Variants in CSPP1 observed in about 807,000 individuals in gnomAD.
CSPP1 encodes centrosome and spindle pole-associated protein 1.
In CSPP1, 126 loss-of-function variants were observed where a neutral mutation model predicts 164.4. That is an observed-to-expected ratio of 0.77 (90% CI 0.66 to 0.89). The LOEUF is 0.89. Ranked by LOEUF, CSPP1 falls within the 40% of genes least tolerant of loss-of-function variation. The pLI, the probability that CSPP1 is intolerant of heterozygous loss-of-function variation, is 0.00. For missense variants in CSPP1, 1,395 were observed against 1,449.8 expected (o/e 0.96, Z 0.61); for synonymous variants, 472 against 476.7 (o/e 0.99, Z 0.13).
At chr8:67,174,388 T>A (rs1328140719) in intron 25 of CSPP1, 2 of 152,100 alleles carry the variant, frequency 1.3e-5, no homozygotes, top group East Asian at 1.9e-4. Context: ...ATTCCAGCAG[T>A]GTAATTAGTG....
intron 30 of CSPP1, among the ~76,000 whole-genome samples, chr8:67,193,843 T>C (rs1837113638): frequency 2.0e-5 from 3 of 152,340 alleles, no homozygotes; most frequent in African/African-American, 7.2e-5. Flanking sequence ...TAAAATAGTT[T>C]TTGCTTATTA....
chr8:67,179,758 C>A (rs1234789875), intron 27 of CSPP1, 105 bp from the exon 28 acceptor site: 2 of 744,146 alleles, frequency 2.7e-6, no homozygotes, highest in African/African-American at 3.5e-5. Context: ...CCATCCTCTG[C>A]TTTTAGGGAG....
chr8:67,113,842 G>C lies in CSPP1; in HGVS notation c.1225G>C (p.Ala409Pro). 6.3e-7 allele frequency: 1 copy of C among 1,592,016 alleles called. No individual in the cohort carries two copies. Among genetic ancestry groups the C allele is most frequent in the Non-Finnish European group, 8.6e-7 (1 of 1,164,814 alleles). The change falls in exon 11 of 31, where the codon GCA becomes CCA. Residue 409 changes from alanine to proline, a missense_variant. By Grantham distance (27) the Ala-to-Pro change is conservative. Coordinates refer to ENST00000678616, the MANE Select transcript of CSPP1 (RefSeq NM_001382391.1). ...AGAACTCAGGGTTGCAGCGTCTGGAGCACAAGACCCTGAGAAATCGGTAAG... is the reference window on the plus strand; with the variant it reads ...AGAACTCAGGGTTGCAGCGTCTGGACCACAAGACCCTGAGAAATCGGTAAG... ...DLELRVAASG[A>P]QDPEKSWNEL...
chr8:67,073,379 G>A lies in CSPP1; in HGVS notation c.-10-864G>A, dbSNP rs1439700073. 9.2e-5 allele frequency among the ~76,000 whole-genome samples: 14 copies of A among 152,264 alleles called. No homozygotes were observed. The East Asian group carries it at 2.7e-3, about 29-fold the overall frequency. Reference sequence around the variant, plus strand: ...ATCAGGCACACCCTAGATGAGGGATGTTCTATTGAAAAGGATGTTCTGTTA... The same window carrying A: ...ATCAGGCACACCCTAGATGAGGGATATTCTATTGAAAAGGATGTTCTGTTA... On this transcript the variant is annotated intron_variant, in intron 1 of 30. Coordinates refer to ENST00000678616, the MANE Select transcript of CSPP1 (RefSeq NM_001382391.1).
At chr8:67,101,169 T>C (rs573714447) in intron 7 of CSPP1, among the ~76,000 whole-genome samples, 14 of 152,288 alleles carry the variant, frequency 9.2e-5, no homozygotes, top group African/African-American at 3.4e-4. Context: ...AGACACTTGG[T>C]GCCCAAGGTT....
intron 3 of CSPP1, among the ~76,000 whole-genome samples, chr8:67,079,784 T>C (rs1276605545): frequency 1.3e-5 from 2 of 152,254 alleles, no homozygotes; most frequent in Non-Finnish European, 2.9e-5. Context: ...TTTGAACTTA[T>C]TCAGCTTCTC....
chr8:67,134,590 C>T (rs1354733085), intron 16 of CSPP1: 1 of 137,190 alleles, frequency 7.3e-6, no homozygotes, highest in Admixed American at 7.6e-5. Context: ...GACGGAGTCT[C>T]ACACTGTCAC....
In CSPP1 at chr8:67,159,156, T is replaced by C. The variant is rs1166450877; in HGVS notation, c.2538+19T>C. 1.3e-6 allele frequency: 2 copies of C among 1,590,960 alleles called. No individual in the cohort carries two copies. The highest frequency in any genetic ancestry group is 1.2e-5 in the South Asian group (1 of 85,796). On this transcript the variant is annotated intron_variant, in intron 21 of 30. Transcript: ENST00000678616. ...AACAAAGGTAAGTTTCAGACAAAAA[T>C]GTCAATCAAACCCATAGTTTAACTC...
chr8:67,070,188 G>A (rs1806430825), intron 1 of CSPP1, among the ~76,000 whole-genome samples: 1 of 151,722 alleles, frequency 6.6e-6, no homozygotes, highest in African/African-American at 2.4e-5. Context: ...AATAAGTCGG[G>A]ACGGTGGCTC....
intron 16 of CSPP1, chr8:67,135,947 A>G (rs972902788): frequency 3.3e-5 from 5 of 152,202 alleles, no homozygotes; most frequent in African/African-American, 9.7e-5. Context: ...TCAGTATTCT[A>G]TCAGGGAAAA....
In CSPP1 at chr8:67,182,011, T is replaced by C. The variant is rs1254967018; in HGVS notation, c.3220+2085T>C. 2.6e-5 allele frequency among the ~76,000 whole-genome samples: 4 copies of C among 152,152 alleles called. No individual in the cohort carries two copies. In the East Asian group the frequency reaches 7.7e-4, roughly 29 times the overall value. On this transcript the variant is annotated intron_variant, in intron 28 of 30. Transcript: ENST00000678616. ...ATAGCATGTGTCAGATTTTCTTTTT[T>C]TACCCCTTAGAGACAGGGTCACCCT...
chr8:67,107,168 C>A (rs1815742717), intron 9 of CSPP1, among the ~76,000 whole-genome samples: 1 of 151,940 alleles, frequency 6.6e-6, no homozygotes, highest in South Asian at 2.1e-4. Context: ...GTGCCTCAGT[C>A]TCCTGAGTAG....
intron 28 of CSPP1, among the ~76,000 whole-genome samples, chr8:67,187,015 A>ATCTATCTAATCT (rs1554622825): frequency 1.2e-3 from 166 of 143,084 alleles, no homozygotes; most frequent in African/African-American, 3.8e-3. Flanking sequence ...CTATCTATCT[A>ATCTATCTAATCT]ATCTATCTAT....
chr8:67,069,254 A>G (rs1043330203), intron 1 of CSPP1: 4 of 152,248 alleles, frequency 2.6e-5, no homozygotes, highest in Admixed American at 2.0e-4. Flanking sequence ...ACTCTTTAAT[A>G]TTAAAGTCAT....
Position 67,149,947 on chromosome 8 carries a change from CTTTTTTTTTT to C in CSPP1, c.2128+27_2128+36del, listed in dbSNP as rs11296619. The C allele has an allele frequency of 1.8e-6, 2 of 1,138,326 alleles. No individual in the cohort carries two copies. The highest frequency in any genetic ancestry group is 3.8e-5 in the Admixed American group (1 of 25,980). 70.5% of individuals were successfully genotyped at this position (1,138,326 alleles called of 1,614,324 possible). A position where few individuals can be genotyped will look rare whatever the true frequency, so the allele number is the denominator to read the frequency against. Reference sequence around the variant, plus strand: ...AAATAAAAGCTCAGGTTTTTAATCACTTTTTTTTTTTTTTTTTTTTTTTTACATTTCTGAA... The same window carrying C: ...AAATAAAAGCTCAGGTTTTTAATCACTTTTTTTTTTTTTTACATTTCTGAA... On this transcript the variant is annotated intron_variant, in intron 18 of 30. Transcript: ENST00000678616.
chr8:67,073,274 G>A (rs762078967), intron 1 of CSPP1, among the ~76,000 whole-genome samples: 9 of 152,140 alleles, frequency 5.9e-5, no homozygotes, highest in Non-Finnish European at 1.0e-4. Flanking sequence ...AATATCACGT[G>A]CCTTCTCTTT....
chr8:67,155,197 G>A (rs1333453264), intron 19 of CSPP1, among the ~76,000 whole-genome samples: 2 of 152,100 alleles, frequency 1.3e-5, no homozygotes, highest in African/African-American at 2.4e-5. Flanking sequence ...GGGACTCACA[G>A]TTTCTTCTTT....
chr8:67,116,829 T>A lies in CSPP1; in HGVS notation c.1496+707T>A, dbSNP rs1006420559. On this transcript the variant is annotated intron_variant, in intron 13 of 30. Transcript: ENST00000678616. Reference sequence around the variant, plus strand: ...TATTTAAATTTAGAGGTGTTTTTCTTAACTTTTTTGAACATTGATATTTTC... The same window carrying A: ...TATTTAAATTTAGAGGTGTTTTTCTAAACTTTTTTGAACATTGATATTTTC... 4.9e-4 allele frequency among the ~76,000 whole-genome samples: 74 copies of A among 152,174 alleles called. 1 individual carries two copies. Among genetic ancestry groups the A allele is most frequent in the Admixed American group, 1.6e-3 (24 of 15,278 alleles).
intron 19 of CSPP1, among the ~76,000 whole-genome samples, 180 bp downstream of exon 19, chr8:67,154,316 G>A (rs919760803): frequency 6.6e-6 from 1 of 152,048 alleles, no homozygotes; most frequent in Non-Finnish European, 1.5e-5. Flanking sequence ...GAAATAAACA[G>A]ATGTATTAAG....
Sources: allele counts gnomAD v4.1 joint callset (sites outside exome capture counted in the v4.1 genomes callset), GRCh38; gene constraint gnomAD v4.1.1; transcripts MANE v1.5; gene names NCBI Gene and HGNC (gene_info 2026-07-23, HGNC 2026-07-21).